The following MDGA2 variants were observed in gnomAD, a reference collection of about 807,000 sequenced individuals.
MDGA2 encodes the protein MAM domain containing glycosylphosphatidylinositol anchor 2.
MDGA2 carries 40 observed loss-of-function variants against 117.8 expected under a neutral mutation model. The ratio of observed to expected loss-of-function variants is 0.34; its 90% CI spans 0.26 to 0.44. The LOEUF is 0.44. Ranked by LOEUF, MDGA2 falls within the 20% of genes least tolerant of loss-of-function variation. The probability of loss-of-function intolerance (pLI) is 1.00; values close to 1 mark genes in which losing one functional copy is unlikely to be tolerated. For synonymous variants in MDGA2, 452 were observed against 439.0 expected (o/e 1.03, Z -0.37); for missense variants, 1,123 against 1,250.6 (o/e 0.90, Z 1.54).
At chr14:47,330,416 T>A (rs1009920339) in intron 1 of MDGA2, among the ~76,000 whole-genome samples, 4 of 151,886 alleles carry the variant, frequency 2.6e-5, no homozygotes, top group African/African-American at 9.7e-5. Context: ...AAGAAGGACA[T>A]ATATTTCAAA....
rs779032374 is a variant in MDGA2, at chr14:47,061,409, C to G, written c.1365G>C (p.Met455Ile). 1 of 1,613,608 alleles carries G rather than the reference C, an allele frequency of 6.2e-7. No individual in the cohort carries two copies. The highest frequency in any genetic ancestry group is 1.7e-5 in the Admixed American group (1 of 59,962). Reference protein sequence around the residue: ...NGRPLRSSERMVITQTDPDVS... With the variant: ...NGRPLRSSERIVITQTDPDVS... ...CATCAGGATCAGTCTGTGTAATGAC[C>G]ATCCGCTCAGAACTTCTTAATGGAC... Residue 455 changes from methionine (M) to isoleucine (I), a missense_variant, in exon 7 of 17, where the codon ATG becomes ATC. Around this residue, in one of 2 missense-constraint regions of MDGA2, gnomAD observed 890 missense variants for 1,050.3 expected, o/e 0.85. Coordinates refer to ENST00000399232, the MANE Select transcript of MDGA2 (RefSeq NM_001113498.3).
intron 8 of MDGA2, among the ~76,000 whole-genome samples, chr14:47,000,400 A>AATATATATATTTATATATATATATAT (rs71112475): frequency 1.9e-4 from 22 of 115,614 alleles, no homozygotes; most frequent in Non-Finnish European, 3.5e-4. Context: ...TTTATATATA[A>AATATATATATTTATATATATATATAT]ATATATATTT....
At chr14:46,942,822 T>A (rs1445363557) in intron 9 of MDGA2, among the ~76,000 whole-genome samples, 2 of 152,130 alleles carry the variant, frequency 1.3e-5, no homozygotes, top group Non-Finnish European at 2.9e-5. Context: ...TTGTTTCTAG[T>A]TTGAGGCTAT....
intron 1 of MDGA2, among the ~76,000 whole-genome samples, chr14:47,531,378 A>G (rs915199503): frequency 1.3e-5 from 2 of 152,226 alleles, no homozygotes; most frequent in Non-Finnish European, 2.9e-5. Flanking sequence ...TACAAGACGC[A>G]CAATCACATA....
In MDGA2 at chr14:47,561,152, TGTTTTGTTTTG is replaced by T. The variant is rs1237419350; in HGVS notation, c.280+113354_280+113364del. ...ATACCTCTATCTTTGTTTTTTTTTT[TGTTTTGTTTTG>T]TTTTTTTGTTTGTTTGTTTTTTTTT... On this transcript the variant is annotated intron_variant, in intron 1 of 16. Coordinates refer to ENST00000399232, the MANE Select transcript of MDGA2 (RefSeq NM_001113498.3). Among the ~76,000 whole-genome samples, 30 of 86,004 alleles carry T rather than the reference TGTTTTGTTTTG, an allele frequency of 3.5e-4. 1 individual carries two copies. Among genetic ancestry groups the T allele is most frequent in the African/African-American group, 1.0e-3 (28 of 26,670 alleles). 56.4% of individuals were successfully genotyped at this position (86,004 alleles called of 152,430 possible).
At chr14:47,036,558 G>A (rs1888864003) in intron 7 of MDGA2, among the ~76,000 whole-genome samples, 1 of 152,100 alleles carries the variant, frequency 6.6e-6, no homozygotes, top group Admixed American at 6.6e-5. Context: ...TATCAAAAAA[G>A]CACAAGCTAA....
chr14:47,521,376 G>A (rs1464853925), intron 1 of MDGA2, among the ~76,000 whole-genome samples: 1 of 152,136 alleles, frequency 6.6e-6, no homozygotes, highest in African/African-American at 2.4e-5. Flanking sequence ...GTGCAGTGAT[G>A]CACTGCTAAG....
chr14:47,645,524 G>A (rs865819257), intron 1 of MDGA2, among the ~76,000 whole-genome samples: 1 of 151,406 alleles, frequency 6.6e-6, no homozygotes, highest in Non-Finnish European at 1.5e-5. Flanking sequence ...GTGAGCCACC[G>A]CGCCCGGCCC....
intron 1 of MDGA2, among the ~76,000 whole-genome samples, chr14:47,429,717 C>T (rs1278818847): frequency 6.6e-6 from 1 of 151,820 alleles, no homozygotes; most frequent in Non-Finnish European, 1.5e-5. Flanking sequence ...TTATTGAGTT[C>T]CTCAAAGTCC....
At chr14:47,034,108 G>A (rs1001066890) in intron 8 of MDGA2, among the ~76,000 whole-genome samples, 3 of 152,138 alleles carry the variant, frequency 2.0e-5, no homozygotes, top group Admixed American at 1.3e-4. Flanking sequence ...ATTAAAATTT[G>A]CAGTAGCACT....
intron 1 of MDGA2, among the ~76,000 whole-genome samples, chr14:47,480,411 C>T (rs529887694): frequency 3.9e-5 from 6 of 151,998 alleles, no homozygotes; most frequent in African/African-American, 1.4e-4. Context: ...TAATACTTAA[C>T]GATTTATCTA....
chr14:47,241,983 GAAGA>G (rs1887057080), intron 2 of MDGA2, among the ~76,000 whole-genome samples: 1 of 151,694 alleles, frequency 6.6e-6, no homozygotes, highest in Non-Finnish European at 1.5e-5. Flanking sequence ...AGGCCATTGT[GAAGA>G]AAAAATGAGA....
chr14:46,975,744 G>T (rs1886432638), intron 8 of MDGA2, among the ~76,000 whole-genome samples: 1 of 152,020 alleles, frequency 6.6e-6, no homozygotes, highest in African/African-American at 2.4e-5. Flanking sequence ...AAATTGAGTG[G>T]CTTATAAATA....
chr14:47,325,140 G>A (rs1890105879), intron 1 of MDGA2, among the ~76,000 whole-genome samples: 1 of 152,052 alleles, frequency 6.6e-6, no homozygotes, highest in Non-Finnish European at 1.5e-5. Flanking sequence ...TGAAGATATG[G>A]GTATGAAAAG....
intron 8 of MDGA2, among the ~76,000 whole-genome samples, chr14:46,976,648 G>A (rs982102996): frequency 1.1e-4 from 16 of 151,840 alleles, no homozygotes; most frequent in African/African-American, 3.6e-4. Flanking sequence ...TACATATAAC[G>A]TTATTAATTT....
At chr14:47,188,370 T>C (rs1884988435) in intron 3 of MDGA2, among the ~76,000 whole-genome samples, 1 of 152,222 alleles carries the variant, frequency 6.6e-6, no homozygotes, top group Non-Finnish European at 1.5e-5. Context: ...GGTTACTATG[T>C]TGTGTGCTGC....
At chr14:47,458,491 C>T (rs1893410927) in intron 1 of MDGA2, among the ~76,000 whole-genome samples, 1 of 152,000 alleles carries the variant, frequency 6.6e-6, no homozygotes, top group African/African-American at 2.4e-5. Flanking sequence ...CTGGTGGTTA[C>T]AAAGGACTGC....
chr14:47,451,188 G>A (rs192390180), intron 1 of MDGA2, among the ~76,000 whole-genome samples: 1 of 152,192 alleles, frequency 6.6e-6, no homozygotes, highest in East Asian at 1.9e-4. Context: ...TTAGGAAGTA[G>A]CTGGAGGTCA....
intron 5 of MDGA2, among the ~76,000 whole-genome samples, chr14:47,123,285 G>A (rs1038683791): frequency 7.2e-5 from 11 of 151,976 alleles, no homozygotes; most frequent in African/African-American, 2.7e-4. Context: ...AATGTAGGGC[G>A]ATCTCAGCAA....
Sources: allele counts gnomAD v4.1 joint callset (sites outside exome capture counted in the v4.1 genomes callset), GRCh38; gene constraint gnomAD v4.1.1; regional missense constraint gnomAD v4.1.1; transcripts MANE v1.5; gene names NCBI Gene and HGNC (gene_info 2026-07-23, HGNC 2026-07-21).